The following CRYBG3 variants were observed in gnomAD, a reference collection of about 807,000 sequenced individuals.
CRYBG3 encodes crystallin beta-gamma domain containing 3, also known as very large A-kinase anchor protein.
CRYBG3 carries 127 observed loss-of-function variants against 244.2 expected under a neutral mutation model. The ratio of observed to expected loss-of-function variants is 0.52; its 90% CI spans 0.45 to 0.60. CRYBG3 has a LOEUF of 0.60. Ranked by LOEUF, CRYBG3 falls within the 20% of genes least tolerant of loss-of-function variation. CRYBG3 has a pLI of 0.00. For missense variants in CRYBG3, 3,325 were observed against 3,442.5 expected, an observed-to-expected ratio of 0.97 and a Z score of 0.85; for synonymous variants, 1,132 against 1,195.8, an observed-to-expected ratio of 0.95 and a Z score of 1.10.
At chr3:97,878,096 A>C in intron 4 of CRYBG3, 59 bp downstream of exon 4, 1 of 1,412,360 alleles carries the variant, frequency 7.1e-7, no homozygotes, top group Non-Finnish European at 9.6e-7. Flanking sequence ...TCACGAAATT[A>C]TCTAAAGGCT....
intron 17 of CRYBG3, among the ~76,000 whole-genome samples, chr3:97,919,528 T>G (rs1347126603): frequency 6.6e-6 from 1 of 152,088 alleles, no homozygotes; most frequent in Non-Finnish European, 1.5e-5. Context: ...GTCTTCTCTT[T>G]AAGTTTTTCA....
chr3:97,866,359 T>C (rs1230804989), intron 3 of CRYBG3, among the ~76,000 whole-genome samples: 1 of 152,182 alleles, frequency 6.6e-6, no homozygotes, highest in African/African-American at 2.4e-5. Flanking sequence ...TGGAAACCAG[T>C]GTCCGACAGC....
rs1240504297 is a variant in CRYBG3 at position 97,822,080 on chromosome 3, C to G, written c.-127C>G. ...CTCCTGCCCGAGAGAGACTGAGCCGCGCTGGCAGCTCGCGTCGAGTCGGTC... is the reference window on the plus strand; with the variant it reads ...CTCCTGCCCGAGAGAGACTGAGCCGGGCTGGCAGCTCGCGTCGAGTCGGTC... On this transcript the variant is annotated 5_prime_UTR_variant, in exon 1 of 22. Transcript: ENST00000389622. 1 of 743,312 alleles carries G rather than the reference C, an allele frequency of 1.3e-6. No homozygotes were observed. Among genetic ancestry groups the G allele is most frequent in the African/African-American group, 1.8e-5 (1 of 55,328 alleles). The allele number at this position is 743,312 out of a possible 1,614,324, so 46.0% of individuals were successfully genotyped here. A position where few individuals can be genotyped will look rare whatever the true frequency, so the allele number is the denominator to read the frequency against.
chr3:97,923,967 T>C (rs1366290089), intron 17 of CRYBG3, among the ~76,000 whole-genome samples: 1 of 152,046 alleles, frequency 6.6e-6, no homozygotes, highest in Non-Finnish European at 1.5e-5. Context: ...TATGATTAAT[T>C]TGGAAAAGCT....
chr3:97,916,402 G>T (rs2039929697), intron 17 of CRYBG3, among the ~76,000 whole-genome samples: 1 of 152,124 alleles, frequency 6.6e-6, no homozygotes, highest in Admixed American at 6.6e-5. Flanking sequence ...GAGTAAGTAG[G>T]TTTTCCTTTT....
At chr3:97,907,107 T>G (rs981686951) in intron 15 of CRYBG3, among the ~76,000 whole-genome samples, 1 of 152,208 alleles carries the variant, frequency 6.6e-6, no homozygotes, top group African/African-American at 2.4e-5. Context: ...CACTTGATCA[T>G]GGTGGATAAT....
chr3:97,841,218 G>C (rs896578848), intron 1 of CRYBG3, among the ~76,000 whole-genome samples: 1 of 147,492 alleles, frequency 6.8e-6, no homozygotes, highest in African/African-American at 2.6e-5. Flanking sequence ...ATGTATATAT[G>C]TATATGTATA....
At chr3:97,828,871 A>C (rs532217230) in intron 1 of CRYBG3, among the ~76,000 whole-genome samples, 51 of 147,470 alleles carry the variant, frequency 3.5e-4, no homozygotes, top group Middle Eastern at 3.5e-3. Context: ...AACAAACAAA[A>C]AAAAACTTAA....
At chr3:97,857,575 T>C (rs1252161686) in intron 2 of CRYBG3, among the ~76,000 whole-genome samples, 2 of 152,256 alleles carry the variant, frequency 1.3e-5, no homozygotes, top group Non-Finnish European at 2.9e-5. Flanking sequence ...CATCGTCTTG[T>C]TGAATGGGTC....
chr3:97,853,505 G>A (rs1271552638), intron 2 of CRYBG3, among the ~76,000 whole-genome samples: 1 of 151,954 alleles, frequency 6.6e-6, no homozygotes, highest in Non-Finnish European at 1.5e-5. Flanking sequence ...TGCGAATTGT[G>A]CTGCTATAAA....
chr3:97,914,841 T>C (rs371780881), intron 16 of CRYBG3, among the ~76,000 whole-genome samples: 1 of 152,186 alleles, frequency 6.6e-6, no homozygotes, highest in African/African-American at 2.4e-5. Context: ...AGTGCAGTTC[T>C]GGTGATCTTA....
chr3:97,834,134 T>C (rs1222978761), intron 1 of CRYBG3, among the ~76,000 whole-genome samples: 1 of 152,090 alleles, frequency 6.6e-6, no homozygotes, highest in Non-Finnish European at 1.5e-5. Flanking sequence ...CAACATGAAC[T>C]TTGGAGGGGA....
At chr3:97,858,258 ATGGAGAT>A (rs1458860436) in intron 2 of CRYBG3, among the ~76,000 whole-genome samples, 2 of 151,394 alleles carry the variant, frequency 1.3e-5, no homozygotes, top group Non-Finnish European at 2.9e-5. Flanking sequence ...TGTTATTCTA[ATGGAGAT>A]TCCTTTGTAT....
At chr3:97,848,150 CTTATTAGGTTTTCAACTCT>C (rs1456712057) in intron 2 of CRYBG3, among the ~76,000 whole-genome samples, 1 of 152,092 alleles carries the variant, frequency 6.6e-6, no homozygotes, top group South Asian at 2.1e-4. Context: ...CTCCTCTTTC[CTTATTAGGTTTTCAACTCT>C]TTCTCAGTGA....
At chr3:97,841,935 A>G (rs913075767) in intron 1 of CRYBG3, among the ~76,000 whole-genome samples, 1 of 152,170 alleles carries the variant, frequency 6.6e-6, no homozygotes, top group Non-Finnish European at 1.5e-5. Flanking sequence ...AAAATGCCCG[A>G]TTCTCTATTA....
chr3:97,933,594 C>A, intron 17 of CRYBG3, 100 bp from the exon 18 acceptor site: 1 of 1,125,464 alleles, frequency 8.9e-7, no homozygotes, highest in Non-Finnish European at 1.3e-6. Context: ...AAACTCCATG[C>A]ATTTAAGAAT....
In CRYBG3 at chr3:97,881,208, C is replaced by T. The variant is rs184229315; in HGVS notation, c.7141C>T (p.Arg2381Cys). ...QRNFILGSLKRVLKDCSIPEI... is the reference protein window; with the variant it reads ...QRNFILGSLKCVLKDCSIPEI... ...AAACTTTATATTGGGTTCTCTCAAA[C>T]GTGTCTTAAAGGTAACAACTGTAGA... is the stretch of plus-strand genomic sequence containing the variant. The change falls in exon 7 of 22, where the codon CGT becomes TGT. Residue 2381 changes from arginine to cysteine, a missense_variant. This residue lies in a region of CRYBG3 where 714 missense variants were observed against 803.6 expected (regional missense o/e 0.89). Transcript: ENST00000389622. 1.9e-5 allele frequency: 30 copies of T among 1,602,516 alleles called. No homozygotes were observed. The highest frequency in any genetic ancestry group is 9.4e-5 in the African/African-American group (7 of 74,470).
intron 2 of CRYBG3, among the ~76,000 whole-genome samples, chr3:97,853,784 C>T (rs1285187264): frequency 1.3e-5 from 2 of 152,006 alleles, no homozygotes; most frequent in Non-Finnish European, 2.9e-5. Flanking sequence ...GTATCACAAT[C>T]GTGGTATCAC....
chr3:97,940,316 T>G (rs912775356), intron 19 of CRYBG3, among the ~76,000 whole-genome samples: 1 of 152,068 alleles, frequency 6.6e-6, no homozygotes, highest in Non-Finnish European at 1.5e-5. Flanking sequence ...GAGAGCATCC[T>G]GGTTAAGAGG....
Sources: allele counts gnomAD v4.1 joint callset (sites outside exome capture counted in the v4.1 genomes callset), GRCh38; gene constraint gnomAD v4.1.1; regional missense constraint gnomAD v4.1.1; transcripts MANE v1.5; gene names NCBI Gene and HGNC (gene_info 2026-07-23, HGNC 2026-07-21).